Variants in RNF216 observed in about 807,000 individuals in gnomAD.
The protein encoded by RNF216 is E3 ubiquitin-protein ligase RNF216.
Under a neutral mutation model 110.8 loss-of-function variants are expected in RNF216, and 72 were observed. The observed-to-expected ratio is 0.65, with a 90% confidence interval of 0.54 to 0.79. RNF216 has a LOEUF of 0.79. Among genes scored for constraint, RNF216 ranks in the 30% least tolerant of loss-of-function variants. RNF216 has a pLI of 0.00. For missense variants in RNF216, 1,342 were observed against 1,141.2 expected (o/e 1.18, Z -2.54); for synonymous variants, 495 against 407.5 (o/e 1.21, Z -2.59).
chr7:5,695,583 A>G (rs908884123), intron 13 of RNF216, among the ~76,000 whole-genome samples: 2 of 152,206 alleles, frequency 1.3e-5, no homozygotes, highest in African/African-American at 2.4e-5. Context: ...GACAAGTTCT[A>G]TTGCCCTTTT....
At chr7:5,665,640 T>A (rs74433509) in intron 13 of RNF216, among the ~76,000 whole-genome samples, 1 of 151,910 alleles carries the variant, frequency 6.6e-6, no homozygotes, top group African/African-American at 2.4e-5. Flanking sequence ...TGCCGGCTTT[T>A]TACTATACTA....
intron 3 of RNF216, among the ~76,000 whole-genome samples, 178 bp from the exon 4 acceptor site, chr7:5,741,993 G>C (rs1204324809): frequency 6.6e-6 from 1 of 152,046 alleles, no homozygotes; most frequent in Non-Finnish European, 1.5e-5. Context: ...TATACTATCT[G>C]TAAGAATCAA....
At chr7:5,735,657 T>C (rs959219937) in intron 5 of RNF216, among the ~76,000 whole-genome samples, 4 of 152,072 alleles carry the variant, frequency 2.6e-5, no homozygotes, top group African/African-American at 4.8e-5. Flanking sequence ...CTTAGAGACA[T>C]GGAGATTGTG....
rs1309169144 is a variant in RNF216 at position 5,777,171 on chromosome 7, C to T, written c.-70+4370G>A. On this transcript the variant is annotated intron_variant, in intron 1 of 16. Transcript: ENST00000389902. ...TGACAAGGCATGTGAACGAAGAAGA[C>T]ATTGTGGAAGCGGATGCTCCAGCAC... is the stretch of plus-strand genomic sequence containing the variant. 2.0e-5 allele frequency among the ~76,000 whole-genome samples: 3 copies of T among 152,144 alleles called. No individual in the cohort carries two copies. The East Asian group carries it at 5.8e-4, about 29-fold the overall frequency.
intron 1 of RNF216, chr7:5,766,983 T>G (rs1562476557): frequency 1.3e-5 from 2 of 152,256 alleles, no homozygotes; most frequent in Non-Finnish European, 2.9e-5. Flanking sequence ...AGGATGCTAC[T>G]ATGTATGAAC....
rs1436098715 is a variant in RNF216 at position 5,674,363 on chromosome 7, T to A, written c.2062-21853A>T. 2.0e-5 allele frequency among the ~76,000 whole-genome samples: 3 copies of A among 151,784 alleles called. No homozygotes were observed. In the East Asian group the frequency reaches 5.9e-4, roughly 30 times the overall value. ...TAGTACAGATGGGATTTCACCACAT[T>A]GGCCATGCTAGTCTCAAACTCCTGA... On this transcript the variant is annotated intron_variant, in intron 13 of 16. Transcript: ENST00000389902.
chr7:5,648,119 T>C (rs1788160020), intron 14 of RNF216, among the ~76,000 whole-genome samples: 1 of 151,932 alleles, frequency 6.6e-6, no homozygotes, highest in South Asian at 2.1e-4. Context: ...TTTTTTTTTT[T>C]TCTTGAGATG....
intron 14 of RNF216, among the ~76,000 whole-genome samples, chr7:5,641,887 GC>G: frequency 6.6e-6 from 1 of 151,940 alleles, no homozygotes; most frequent in East Asian, 1.9e-4. Flanking sequence ...ACAAAAATTT[GC>G]CAGGCGTGGT....
At chr7:5,778,593 T>C (rs994957893) in intron 1 of RNF216, among the ~76,000 whole-genome samples, 8 of 152,170 alleles carry the variant, frequency 5.3e-5, no homozygotes, top group Admixed American at 2.0e-4. Context: ...TGATCTTCAA[T>C]AGTAGATGTA....
chr7:5,652,455 T>C lies in RNF216; in HGVS notation c.2117A>G (p.Glu706Gly). The change falls in exon 14 of 17, where the codon GAA becomes GGA. Residue 706 changes from glutamate to glycine, a missense_variant. Transcript: ENST00000389902. ...GATGTCGTCTTTTTCAGCCAGCTCTTCACAGGTGAGGCCATTATGTTCTTT... is the reference window on the plus strand; with the variant it reads ...GATGTCGTCTTTTTCAGCCAGCTCTCCACAGGTGAGGCCATTATGTTCTTT... Reference protein sequence around the residue: ...LWKEHNGLTCEELAEKDDIKY... With the variant: ...LWKEHNGLTCGELAEKDDIKY... 3 of 1,613,980 alleles carry C rather than the reference T, an allele frequency of 1.9e-6. No homozygotes were observed. The highest frequency in any genetic ancestry group is 2.5e-6 in the Non-Finnish European group (3 of 1,179,868).
chr7:5,714,473 G>T (rs1435812140), intron 11 of RNF216, among the ~76,000 whole-genome samples: 4 of 150,950 alleles, frequency 2.6e-5, no homozygotes, highest in Admixed American at 2.6e-4. Flanking sequence ...GGTCAGGCTG[G>T]TCTTGAACTC....
chr7:5,690,178 T>C (rs979830667), intron 13 of RNF216, among the ~76,000 whole-genome samples: 2 of 149,892 alleles, frequency 1.3e-5, no homozygotes, highest in African/African-American at 2.5e-5. Context: ...ATACAAAAAA[T>C]TAGCCAGGCA....
At chr7:5,652,313 A>G in intron 14 of RNF216, 100 bp downstream of exon 14, 1 of 840,710 alleles carries the variant, frequency 1.2e-6, no homozygotes, top group Non-Finnish European at 2.0e-6. Context: ...GGGGTGGCTC[A>G]AGCGTGTTCT....
At chr7:5,710,378 C>CA (rs1212442569) in intron 13 of RNF216, among the ~76,000 whole-genome samples, 127 of 149,360 alleles carry the variant, frequency 8.5e-4, no homozygotes, top group South Asian at 6.9e-3. Context: ...AAAACAAAAA[C>CA]AAAAACAAAA....
At chr7:5,730,945 A>G (rs1194284197) in intron 5 of RNF216, 128 bp from the exon 6 acceptor site, 3 of 1,369,646 alleles carry the variant, frequency 2.2e-6, no homozygotes, top group Non-Finnish European at 2.0e-6. Flanking sequence ...AGAAATTAAG[A>G]TGTTTGTAGC....
chr7:5,690,697 A>C (rs1396158539), intron 13 of RNF216, among the ~76,000 whole-genome samples: 1 of 152,180 alleles, frequency 6.6e-6, no homozygotes, highest in Non-Finnish European at 1.5e-5. Flanking sequence ...GGCAGTGGGA[A>C]GTGCCCAGGG....
chr7:5,648,906 T>G (rs573866502), intron 14 of RNF216, among the ~76,000 whole-genome samples: 5 of 151,996 alleles, frequency 3.3e-5, no homozygotes, highest in African/African-American at 1.2e-4. Flanking sequence ...TAAAGCTAAT[T>G]TGAGATAATT....
At chr7:5,631,470 C>T (rs560370245) in intron 15 of RNF216, among the ~76,000 whole-genome samples, 2 of 152,276 alleles carry the variant, frequency 1.3e-5, no homozygotes, top group East Asian at 3.9e-4. Flanking sequence ...TCTCCAGTGG[C>T]CTCTGACCAG....
chr7:5,632,680 G>C lies in RNF216; in HGVS notation c.2382+8474C>G, dbSNP rs146641408. Among the ~76,000 whole-genome samples the C allele has an allele frequency of 9.1e-3, 1,378 of 152,242 alleles. 18 individuals carry two copies. The highest frequency in any genetic ancestry group is 0.032 in the African/African-American group (1,314 of 41,558). On this transcript the variant is annotated intron_variant, in intron 15 of 16. Coordinates refer to ENST00000389902, the MANE Select transcript of RNF216 (RefSeq NM_207111.4). ...TAATTCCAGCTACTTGGGAGGCTGAGGCAGCAGAATCGCTTGAACCCGGGA... is the reference window on the plus strand; with the variant it reads ...TAATTCCAGCTACTTGGGAGGCTGACGCAGCAGAATCGCTTGAACCCGGGA...
Sources: allele counts gnomAD v4.1 joint callset (sites outside exome capture counted in the v4.1 genomes callset), GRCh38; gene constraint gnomAD v4.1.1; transcripts MANE v1.5; gene names NCBI Gene and HGNC (gene_info 2026-07-23, HGNC 2026-07-21).